SLC26A7: variants seen among roughly 807,000 people sequenced by gnomAD.
SLC26A7 encodes anion exchange transporter.
A neutral mutation model predicts 82.5 loss-of-function variants in SLC26A7; 59 were observed. The observed-to-expected ratio is 0.72, with a 90% CI of 0.58 to 0.89. The LOEUF (loss-of-function observed/expected upper bound fraction) is 0.89. Among genes scored for constraint, SLC26A7 ranks in the 40% least tolerant of loss-of-function variants. SLC26A7 has a pLI of 0.00. For missense variants in SLC26A7, 820 were observed against 793.0 expected, an observed-to-expected ratio of 1.03 and a Z score of -0.41; for synonymous variants, 271 against 274.3, an observed-to-expected ratio of 0.99 and a Z score of 0.12.
intron 9 of SLC26A7, among the ~76,000 whole-genome samples, chr8:91,346,106 A>C (rs1330494413): frequency 6.6e-6 from 1 of 152,186 alleles, no homozygotes; most frequent in Non-Finnish European, 1.5e-5. Flanking sequence ...CTCCAAAAGA[A>C]ATGAAAGAAA....
chr8:91,395,559 A>G lies in SLC26A7; in HGVS notation c.*462A>G, dbSNP rs1808546339. 1 of 155,366 alleles carries G rather than the reference A, an allele frequency of 6.4e-6. No individual in the cohort carries two copies. 9.6% of individuals were successfully genotyped at this position (155,366 alleles called of 1,614,324 possible). On this transcript the variant is annotated 3_prime_UTR_variant, in exon 19 of 19. Transcript: ENST00000276609. ...ATTTTCACACAACTTCTCTCTGTAT[A>G]GGCCTCTGAAATATCAATAAGGCTA...
chr8:91,226,243 A>G (rs527276259), intron 2 of SLC26A7, among the ~76,000 whole-genome samples: 2 of 152,316 alleles, frequency 1.3e-5, no homozygotes, highest in South Asian at 2.1e-4. Flanking sequence ...TAGAACCTCA[A>G]ATGACTTCCA....
intron 2 of SLC26A7, among the ~76,000 whole-genome samples, chr8:91,266,376 G>A (rs1186473213): frequency 6.6e-6 from 1 of 151,620 alleles, no homozygotes; most frequent in East Asian, 1.9e-4. Flanking sequence ...AACATGGGAT[G>A]CCTTTTATTT....
At chr8:91,333,032 G>A (rs998015962) in intron 5 of SLC26A7, among the ~76,000 whole-genome samples, 1 of 152,060 alleles carries the variant, frequency 6.6e-6, no homozygotes, top group African/African-American at 2.4e-5. Flanking sequence ...TTCATGTAGA[G>A]GATGGATTGC....
rs147787579 is a variant in SLC26A7, at chr8:91,211,265, A to G, written c.-150+1723A>G. On this transcript the variant is annotated intron_variant, in intron 1 of 5. Transcript: ENST00000522862. ...CTAGCGTTATTAAAATCATTAAGCT[A>G]ATAATATCTAGTAAGTATATGATAG... Among the ~76,000 whole-genome samples, 373 of 152,204 alleles carry G rather than the reference A, an allele frequency of 2.5e-3. 3 individuals are homozygous for G. The highest frequency in any genetic ancestry group is 6.5e-3 in the Admixed American group (99 of 15,300).
At chr8:91,318,980 C>T (rs7846165) in intron 5 of SLC26A7, among the ~76,000 whole-genome samples, 27,147 of 152,152 alleles carry the variant, frequency 0.18, 2,865 homozygotes, top group African/African-American at 0.28. Context: ...TTTTAAAAAG[C>T]CTTGTTAATG....
intron 1 of SLC26A7, among the ~76,000 whole-genome samples, chr8:91,213,089 G>A (rs1167325287): frequency 6.6e-6 from 1 of 152,098 alleles, no homozygotes; most frequent in African/African-American, 2.4e-5. Flanking sequence ...TTCTGAAGCT[G>A]TGTATCATCA....
intron 2 of SLC26A7, among the ~76,000 whole-genome samples, chr8:91,222,152 CT>C (rs1810169699): frequency 6.6e-6 from 1 of 152,116 alleles, no homozygotes; most frequent in African/African-American, 2.4e-5. Flanking sequence ...TGGGAGTTCA[CT>C]CATGATTTGG....
intron 6 of SLC26A7, among the ~76,000 whole-genome samples, chr8:91,335,290 C>A (rs552950079): frequency 6.6e-6 from 1 of 152,010 alleles, no homozygotes; most frequent in Non-Finnish European, 1.5e-5. Context: ...ATTAAGGCTA[C>A]GACTCATTTC....
intron 8 of SLC26A7, chr8:91,343,071 A>G (rs1813462709): frequency 6.9e-6 from 2 of 290,362 alleles, no homozygotes; most frequent in East Asian, 1.5e-4. Flanking sequence ...GATGTGACCT[A>G]AAGATGGAGG....
At chr8:91,355,932 G>T (rs1244696153) in intron 11 of SLC26A7, among the ~76,000 whole-genome samples, 5 of 151,824 alleles carry the variant, frequency 3.3e-5, no homozygotes, top group African/African-American at 4.8e-5. Flanking sequence ...CTGTGTCCAT[G>T]TGTTCTCATT....
chr8:91,236,555 C>T (rs1810395510), intron 2 of SLC26A7, among the ~76,000 whole-genome samples: 2 of 91,354 alleles, frequency 2.2e-5, no homozygotes, highest in South Asian at 9.8e-4. Flanking sequence ...AATTCAATAA[C>T]TTCTGTGCAG....
chr8:91,369,671 T>C, intron 14 of SLC26A7, 114 bp from the exon 15 acceptor site: 2 of 692,206 alleles, frequency 2.9e-6, no homozygotes, highest in Non-Finnish European at 4.7e-6. Flanking sequence ...TGAAAAACAA[T>C]TTTGGAGATG....
intron 14 of SLC26A7, among the ~76,000 whole-genome samples, chr8:91,368,458 A>G (rs1488854044): frequency 6.9e-5 from 10 of 144,546 alleles, no homozygotes; most frequent in African/African-American, 2.1e-4. Context: ...TCATACTGTC[A>G]CCTAGGCTGG....
chr8:91,259,723 T>TGA (rs1270729586), intron 2 of SLC26A7, among the ~76,000 whole-genome samples: 4 of 152,112 alleles, frequency 2.6e-5, no homozygotes, highest in Non-Finnish European at 5.9e-5. Context: ...TTCCCCTGCC[T>TGA]TGTCCCTTTC....
chr8:91,230,854 G>A (rs1810301959), intron 2 of SLC26A7, among the ~76,000 whole-genome samples: 1 of 152,066 alleles, frequency 6.6e-6, no homozygotes, highest in Admixed American at 6.5e-5. Flanking sequence ...CAAGCAAGGA[G>A]GAAAAAGACC....
intron 2 of SLC26A7, among the ~76,000 whole-genome samples, chr8:91,243,361 T>C (rs1432948388): frequency 6.6e-6 from 1 of 152,182 alleles, no homozygotes; most frequent in Non-Finnish European, 1.5e-5. Flanking sequence ...GGACTGATCT[T>C]GGAAAGATGG....
chr8:91,369,736 A>G, intron 14 of SLC26A7, 49 bp from the exon 15 acceptor site: 1 of 1,347,770 alleles, frequency 7.4e-7, no homozygotes, highest in Non-Finnish European at 1.0e-6. Flanking sequence ...TTTCAGACAG[A>G]AGTAAAATTT....
At position 91,351,526 on chromosome 8, in the gene SLC26A7, G is replaced by A. The variant is rs138352052; in HGVS notation, c.1141-284G>A. On this transcript the variant is annotated intron_variant, in intron 9 of 18. Coordinates refer to ENST00000276609, the MANE Select transcript of SLC26A7 (RefSeq NM_052832.4). ...ACTATTAAACAAAAAAGCCATCACT[G>A]TGATTGTGATAAAAGTTGATGGTGT... 1.1e-3 allele frequency among the ~76,000 whole-genome samples: 163 copies of A among 152,252 alleles called. 1 individual carries two copies. Among genetic ancestry groups the A allele is most frequent in the African/African-American group, 3.6e-3 (151 of 41,570 alleles).
Sources: gnomAD v4.1 joint callset for allele counts (sites outside exome capture counted in the v4.1 genomes callset) on GRCh38, gnomAD v4.1.1 for gene constraint, MANE v1.5 for transcripts, NCBI Gene and HGNC (gene_info 2026-07-23, HGNC 2026-07-21) for gene names.